Variants in NOM1 observed in about 807,000 individuals in gnomAD.
NOM1 encodes nucleolar MIF4G domain-containing protein 1.
In NOM1, 58 loss-of-function variants were observed where a neutral mutation model predicts 73.3. The observed-to-expected ratio is 0.79, with a 90% CI of 0.64 to 0.99. The LOEUF (loss-of-function observed/expected upper bound fraction) is 0.99, where lower values mean the gene tolerates loss of function less well. NOM1 is among the 50% of genes least tolerant of loss of function. The pLI, the probability that NOM1 is intolerant of heterozygous loss-of-function variation, is 0.00. For missense variants in NOM1, 1,226 were observed against 1,131.9 expected, an observed-to-expected ratio of 1.08 and a Z score of -1.19; for synonymous variants, 487 against 446.8, an observed-to-expected ratio of 1.09 and a Z score of -1.14.
chr7:156,963,875 G>C, intron 6 of NOM1, 30 bp from the exon 7 acceptor site: 1 of 1,604,246 alleles, frequency 6.2e-7, no homozygotes, highest in Non-Finnish European at 8.5e-7. Flanking sequence ...GGAGACATGC[G>C]TATGACTTGT....
At chr7:156,964,925 T>C (rs2024265) in intron 7 of NOM1, among the ~76,000 whole-genome samples, 115,696 of 152,186 alleles carry the variant, frequency 0.76, 44,080 homozygotes, top group Admixed American at 0.84. Context: ...AAGGACTTCG[T>C]TTATTTTTCC....
At chr7:156,957,131 C>T (rs1055563709) in intron 3 of NOM1, among the ~76,000 whole-genome samples, 1 of 152,198 alleles carries the variant, frequency 6.6e-6, no homozygotes, top group African/African-American at 2.4e-5. Flanking sequence ...CATTACAGTA[C>T]TTTAGTTAAT....
rs1389659177 is a variant in NOM1, at chr7:156,970,995, G to C, written c.*1292G>C. ...GAGATGTAAACATGAAGAAAATATA[G>C]TTACTGCCTGCAAAGAATTAACATC... On this transcript the variant is annotated 3_prime_UTR_variant, in exon 11 of 11. Transcript: ENST00000275820. The C allele has an allele frequency of 6.6e-6, 1 of 152,146 alleles. No individual in the cohort carries two copies. Among genetic ancestry groups the C allele is most frequent in the Non-Finnish European group, 1.5e-5 (1 of 68,022 alleles). The allele number at this position is 152,146 out of a possible 1,614,324, so 9.4% of individuals were successfully genotyped here.
chr7:156,962,922 T>C, intron 5 of NOM1, 86 bp from the exon 6 acceptor site: 1 of 1,420,316 alleles, frequency 7.0e-7, no homozygotes, highest in Non-Finnish European at 9.5e-7. Context: ...AGAAATGTCA[T>C]GGTCAAAAAC....
Position 156,950,608 on chromosome 7 carries a change from C to G in NOM1, c.871C>G (p.Gln291Glu). 1 of 1,572,982 alleles carries G rather than the reference C, an allele frequency of 6.4e-7. No homozygotes were observed. Among genetic ancestry groups the G allele is most frequent in the Non-Finnish European group, 8.6e-7 (1 of 1,158,510 alleles). The change falls in exon 1 of 11, where the codon CAG (glutamine) becomes GAG (glutamate). Residue 291 changes from glutamine to glutamate, a missense_variant. Gln to Glu is a conservative substitution (Grantham distance 29, BLOSUM62 2). Coordinates refer to ENST00000275820, the MANE Select transcript of NOM1 (RefSeq NM_138400.2). Reference sequence around the variant, plus strand: ...CGACGACGAGGATACAGAAGAGGAACAGGGGGAAGAAAAGGAAAAGGGAGC... The same window carrying G: ...CGACGACGAGGATACAGAAGAGGAAGAGGGGGAAGAAAAGGAAAAGGGAGC... ...EDDDEDTEEE[Q>E]GEEKEKGAQE...
rs1804996878 is a variant in NOM1, at chr7:156,966,351, C to T, written c.2115C>T (p.Pro705=). The part of the protein sequence containing the change: ...DCCLQEKTYN[P]FYAFLASKFC... ...GCCTTCAAGAGAAAACTTACAATCC[C>T]TTCTATGCTTTCCTGGCTAGCAAAT... Residue 705 remains proline (P), a synonymous_variant, in exon 8 of 11, where the codon CCC becomes CCT. Coordinates refer to ENST00000275820, the MANE Select transcript of NOM1 (RefSeq NM_138400.2). 2.5e-6 allele frequency: 4 copies of T among 1,614,204 alleles called. No individual in the cohort carries two copies. Among genetic ancestry groups the T allele is most frequent in the South Asian group, 1.1e-5 (1 of 91,086 alleles).
intron 7 of NOM1, among the ~76,000 whole-genome samples, chr7:156,965,599 C>T (rs1343781517): frequency 6.6e-6 from 1 of 152,210 alleles, no homozygotes. Context: ...ATAGGTTTTA[C>T]TGTGTGTGAG....
At position 156,967,076 on chromosome 7, in the gene NOM1, C is replaced by T. The variant is rs1373428533; in HGVS notation, c.2282C>T (p.Ser761Phe). ...VAHLLKTKSL[S>F]LSILKVVEFS... ...CACTTGTTGAAGACAAAATCGCTTT[C>T]CCTTTCCATCTTAAAGGTTCGTGTA... is the stretch of plus-strand genomic sequence containing the variant. Residue 761 changes from serine to phenylalanine, a missense_variant, in exon 9 of 11, where the codon TCC becomes TTC. Transcript: ENST00000275820. 1.2e-6 allele frequency: 2 copies of T among 1,612,644 alleles called. No individual in the cohort carries two copies.
In NOM1 at chr7:156,954,271, C is replaced by T; in HGVS notation, c.1281C>T (p.Ser427=). 1 of 1,603,094 alleles carries T rather than the reference C, an allele frequency of 6.2e-7. No individual in the cohort carries two copies. Among genetic ancestry groups the T allele is most frequent in the Non-Finnish European group, 8.5e-7 (1 of 1,175,420 alleles). Residue 427 remains serine (S), a synonymous_variant, in exon 3 of 11, where the codon AGC becomes AGT. Transcript: ENST00000275820. ...RLMMEHVLLV[S]ILHHTVGIEV... ...TGATGGAGCATGTTCTCTTAGTCAG[C>T]ATCCTTCACCACACAGTTGGAATCG... is the stretch of plus-strand genomic sequence containing the variant.
At chr7:156,952,264 T>C (rs1804612658) in intron 1 of NOM1, among the ~76,000 whole-genome samples, 2 of 152,178 alleles carry the variant, frequency 1.3e-5, no homozygotes, top group African/African-American at 4.8e-5. Context: ...TTAATAGCAT[T>C]AATGGGAATA....
At chr7:156,968,226 C>T (rs776950102) in intron 9 of NOM1, among the ~76,000 whole-genome samples, 1 of 152,158 alleles carries the variant, frequency 6.6e-6, no homozygotes, top group Non-Finnish European at 1.5e-5. Flanking sequence ...TTTCGCTCGC[C>T]CAGGCATTGC....
rs547737962 is a variant in NOM1 at position 156,967,928 on chromosome 7, G to C, written c.2298+836G>C. On this transcript the variant is annotated intron_variant, in intron 9 of 10. Transcript: ENST00000275820. ...AATAGCCAAAAAAAAAAACTGGAGCGCCTGGGGGGCAAAGGGAAGTGAAAA... is the reference window on the plus strand; with the variant it reads ...AATAGCCAAAAAAAAAAACTGGAGCCCCTGGGGGGCAAAGGGAAGTGAAAA... Among the ~76,000 whole-genome samples, 47 of 151,864 alleles carry C rather than the reference G, an allele frequency of 3.1e-4. No individual in the cohort carries two copies. The South Asian group carries it at 6.4e-3, about 21-fold the overall frequency.
chr7:156,954,522 C>CTTTTTTTTTTT (rs34176770), intron 3 of NOM1, among the ~76,000 whole-genome samples: 10 of 101,658 alleles, frequency 9.8e-5, no homozygotes, highest in African/African-American at 2.0e-4. Flanking sequence ...TCTGTCCATT[C>CTTTTTTTTTTT]TTTTTTTTTT....
chr7:156,969,837 A>C lies in NOM1; in HGVS notation c.*134A>C. The stretch of plus-strand genomic sequence containing the variant: ...GTCTGTTAATGTATTATATTTTGAG[A>C]TTTTTTTTGATCTAAGGTTTTATTG... On this transcript the variant is annotated 3_prime_UTR_variant, in exon 11 of 11. Transcript: ENST00000275820. The C allele has an allele frequency of 1.2e-6, 1 of 831,704 alleles. No homozygotes were observed. The highest frequency in any genetic ancestry group is 1.7e-6 in the Non-Finnish European group (1 of 586,574). 51.5% of individuals were successfully genotyped at this position (831,704 alleles called of 1,614,324 possible). A position where few individuals can be genotyped will look rare whatever the true frequency, so the allele number is the denominator to read the frequency against.
intron 7 of NOM1, 83 bp downstream of exon 7, chr7:156,964,109 A>G: frequency 6.9e-7 from 1 of 1,449,282 alleles, no homozygotes. Context: ...GTTTTGGACG[A>G]CTGAGTCTGA....
At chr7:156,958,931 T>A (rs1199597595) in intron 3 of NOM1, 2 of 152,392 alleles carry the variant, frequency 1.3e-5, no homozygotes, top group South Asian at 2.1e-4. Flanking sequence ...CCGTGCCACC[T>A]GGAGCCCTTC....
At position 156,954,579 on chromosome 7, in the gene NOM1, C is replaced by T. The variant is rs1366475288; in HGVS notation, c.1308+281C>T. Among the ~76,000 whole-genome samples, 4 of 131,952 alleles carry T rather than the reference C, an allele frequency of 3.0e-5. No homozygotes were observed. In the South Asian group the frequency reaches 7.1e-4, roughly 23 times the overall value. 86.6% of individuals were successfully genotyped at this position (131,952 alleles called of 152,430 possible). On this transcript the variant is annotated intron_variant, in intron 3 of 10. Coordinates refer to ENST00000275820, the MANE Select transcript of NOM1 (RefSeq NM_138400.2). ...TCGCTCTGTCGTCTAGGCTGGAGTGCAGTGGCACGATCACAGCTGCAGACT... is the reference window on the plus strand; with the variant it reads ...TCGCTCTGTCGTCTAGGCTGGAGTGTAGTGGCACGATCACAGCTGCAGACT...
Position 156,963,123 on chromosome 7 carries a change from C to T in NOM1, c.1859C>T (p.Pro620Leu), listed in dbSNP as rs201968252. ...GTGGGGTCCGCCTGGAGTGGGGCCC[C>T]GATGATCGACAACAGTCACCATACG... ...WIVGSAWSGA[P>L]MIDNSHHTHL... Residue 620 changes from proline (P) to leucine (L), a missense_variant, in exon 6 of 11, where the codon CCG becomes CTG. Coordinates refer to ENST00000275820, the MANE Select transcript of NOM1 (RefSeq NM_138400.2). 17 of 1,613,980 alleles carry T rather than the reference C, an allele frequency of 1.1e-5. No individual in the cohort carries two copies. The African/African-American group carries it at 1.5e-4, about 14-fold the overall frequency.
Position 156,949,868 on chromosome 7 carries a change from G to T in NOM1, c.131G>T (p.Arg44Met). 1 of 1,519,742 alleles carries T rather than the reference G, an allele frequency of 6.6e-7. No homozygotes were observed. The allele number at this position is 1,519,742 out of a possible 1,614,324, so 94.1% of individuals were successfully genotyped here. A position where few individuals can be genotyped will look rare whatever the true frequency, so the allele number is the denominator to read the frequency against. The part of the protein sequence containing the change: ...PAGGGEKALK[R>M]LKLAVEEFVH... ...GGCGGTGGGGAGAAGGCCCTGAAGAGGCTGAAGCTAGCGGTGGAGGAGTTC... is the reference window on the plus strand; with the variant it reads ...GGCGGTGGGGAGAAGGCCCTGAAGATGCTGAAGCTAGCGGTGGAGGAGTTC... Residue 44 changes from arginine to methionine, a missense_variant, in exon 1 of 11, where the codon AGG (arginine) becomes ATG (methionine). Transcript: ENST00000275820.
Sources: allele counts gnomAD v4.1 joint callset (sites outside exome capture counted in the v4.1 genomes callset), GRCh38; gene constraint gnomAD v4.1.1; transcripts MANE v1.5; gene names NCBI Gene and HGNC (gene_info 2026-07-23, HGNC 2026-07-21).